Variants in CFAP47 observed in about 807,000 individuals in gnomAD.
The protein encoded by CFAP47 is cilia and flagella associated protein 47, also known as cilia- and flagella-associated protein 47.
CFAP47 carries 29 observed loss-of-function variants against 148.1 expected under a neutral mutation model. The ratio of observed to expected loss-of-function variants is 0.20; its 90% CI spans 0.15 to 0.27. The LOEUF (loss-of-function observed/expected upper bound fraction) is 0.27, where lower values mean the gene tolerates loss of function less well. Ranked by LOEUF, CFAP47 falls within the 10% of genes least tolerant of loss-of-function variation. The pLI is 1.00. For synonymous variants in CFAP47, 664 were observed against 577.3 expected (o/e 1.15, Z -2.15); for missense variants, 1,872 against 1,697.5 (o/e 1.10, Z -1.81).
chrX:36,085,057 C>G (rs933352074), intron 29 of CFAP47, among the ~76,000 whole-genome samples: 1 of 111,191 alleles, frequency 9.0e-6, no homozygotes, highest in African/African-American at 3.3e-5. Context: ...CCAATCTATT[C>G]ATAATCTAAT....
At chrX:36,153,533 G>A (rs1252062924) in intron 37 of CFAP47, among the ~76,000 whole-genome samples, 4 of 112,149 alleles carry the variant, frequency 3.6e-5, no homozygotes, top group Non-Finnish European at 5.6e-5. Context: ...CTACTGGTGT[G>A]AGGTCTTCAG....
At chrX:36,363,369 T>A (rs931116641) in intron 61 of CFAP47, among the ~76,000 whole-genome samples, 1 of 111,124 alleles carries the variant, frequency 9.0e-6, no homozygotes, top group Admixed American at 9.6e-5. Flanking sequence ...GCTACAAACC[T>A]GCACAGGATG....
chrX:36,215,650 A>G (rs1170245708), intron 45 of CFAP47, among the ~76,000 whole-genome samples: 2 of 111,956 alleles, frequency 1.8e-5, no homozygotes, highest in African/African-American at 6.5e-5. Flanking sequence ...TTGGGATTCA[A>G]TCAGAATGGT....
rs768269810 is a variant in CFAP47 at position 35,951,120 on chromosome X, T to C, written c.657-11T>C. 8.6e-7 allele frequency: 1 copy of C among 1,156,396 alleles called. No homozygotes were observed. The highest frequency in any genetic ancestry group is 3.0e-5 in the East Asian group (1 of 33,499). On this transcript the variant is annotated splice_polypyrimidine_tract_variant and intron_variant, in intron 4 of 63. Transcript: ENST00000378653. ...AATATGTATGTATGTGCATATCTTA[T>C]TATCCTGTAGAGTGATTTTGCAAGG... is the stretch of plus-strand genomic sequence containing the variant.
intron 10 of CFAP47, among the ~76,000 whole-genome samples, chrX:35,968,269 CTCA>C (rs774006581): frequency 2.2e-3 from 238 of 110,599 alleles, no homozygotes; most frequent in Non-Finnish European, 3.1e-3. Flanking sequence ...CATCATCCTC[CTCA>C]TCATCATCAT....
At chrX:36,250,071 A>G (rs1299846188) in intron 48 of CFAP47, among the ~76,000 whole-genome samples, 2 of 111,754 alleles carry the variant, frequency 1.8e-5, no homozygotes, top group African/African-American at 3.2e-5. Context: ...CTGGGTATAT[A>G]TTCAAAAGAC....
Position 36,168,790 on chromosome X carries a change from G to C in CFAP47, c.6026+8021G>C, listed in dbSNP as rs1315244806. ...GTTGCAAAGAAAATGAAAATTTACA[G>C]CTTGTTTTTAAATATATATTTACCA... On this transcript the variant is annotated intron_variant, in intron 39 of 63. Transcript: ENST00000378653. 4.5e-5 allele frequency among the ~76,000 whole-genome samples: 5 copies of C among 111,539 alleles called. No individual in the cohort carries two copies. In the Admixed American group the frequency reaches 4.8e-4, roughly 11 times the overall value.
intron 10 of CFAP47, among the ~76,000 whole-genome samples, chrX:35,968,046 T>C (rs1439336100): frequency 1.8e-5 from 2 of 110,489 alleles, no homozygotes; most frequent in African/African-American, 3.3e-5. Flanking sequence ...AGAACCTCTT[T>C]TCACCTCAAT....
chrX:36,376,863 G>A (rs1266830776), intron 62 of CFAP47, among the ~76,000 whole-genome samples: 1 of 104,608 alleles, frequency 9.6e-6, no homozygotes, highest in African/African-American at 3.5e-5. Flanking sequence ...CTATGAGTGA[G>A]AACATGCGGT....
intron 8 of CFAP47, among the ~76,000 whole-genome samples, chrX:35,961,659 G>A (rs2146654176): frequency 9.0e-6 from 1 of 111,157 alleles, no homozygotes; most frequent in African/African-American, 3.3e-5. Context: ...GTGTAAAGTT[G>A]GTAGTGATGT....
chrX:36,030,734 G>T (rs941249203), intron 22 of CFAP47, among the ~76,000 whole-genome samples: 2 of 110,346 alleles, frequency 1.8e-5, no homozygotes, highest in African/African-American at 6.5e-5. Flanking sequence ...TTTTCCAGTA[G>T]ATTATAATAT....
At chrX:36,330,453 A>AT (rs781905607) in intron 57 of CFAP47, among the ~76,000 whole-genome samples, 2 of 111,973 alleles carry the variant, frequency 1.8e-5, no homozygotes, top group East Asian at 5.6e-4. Flanking sequence ...GAAATCCGAT[A>AT]TACCTCTTAA....
chrX:36,062,228 TATC>T (rs1569246037), intron 26 of CFAP47, among the ~76,000 whole-genome samples: 1 of 111,659 alleles, frequency 9.0e-6, no homozygotes, highest in Non-Finnish European at 1.9e-5. Flanking sequence ...ATAAATATAA[TATC>T]ATGATATTTT....
At chrX:36,373,815 T>A (rs1395595523) in intron 62 of CFAP47, among the ~76,000 whole-genome samples, 1 of 112,154 alleles carries the variant, frequency 8.9e-6, no homozygotes, top group East Asian at 2.8e-4. Context: ...TTATTCAGCA[T>A]CCGTTGGGAT....
At chrX:36,247,611 G>C (rs928455051) in intron 48 of CFAP47, among the ~76,000 whole-genome samples, 1 of 110,677 alleles carries the variant, frequency 9.0e-6, no homozygotes, top group Non-Finnish European at 1.9e-5. Flanking sequence ...AAAGCAAATT[G>C]TTTCAAAATA....
intron 49 of CFAP47, among the ~76,000 whole-genome samples, chrX:36,272,438 T>A (rs1311098047): frequency 9.0e-6 from 1 of 111,267 alleles, no homozygotes. Flanking sequence ...GCAAAAAAAA[T>A]GCCCAGGTAA....
At chrX:36,344,309 CAA>C (rs1220765837) in intron 57 of CFAP47, among the ~76,000 whole-genome samples, 1 of 85,027 alleles carries the variant, frequency 1.2e-5, no homozygotes, top group Admixed American at 1.3e-4. Context: ...AAGTTCAGTT[CAA>C]AAAAAAAAAA....
At chrX:36,201,252 A>C (rs1050342509) in intron 43 of CFAP47, 22 bp from the exon 44 acceptor site, 4 of 295,538 alleles carry the variant, frequency 1.4e-5, no homozygotes, top group African/African-American at 1.1e-4. Context: ...TGTATTCATT[A>C]ATATTTTTTT....
At chrX:36,334,205 T>C (rs975391852) in intron 57 of CFAP47, among the ~76,000 whole-genome samples, 1 of 111,146 alleles carries the variant, frequency 9.0e-6, no homozygotes, top group African/African-American at 3.3e-5. Context: ...TACTAATTCA[T>C]TGAGAAAAAT....
Sources: gnomAD v4.1 joint callset for allele counts (sites outside exome capture counted in the v4.1 genomes callset) on GRCh38, gnomAD v4.1.1 for gene constraint, MANE v1.5 for transcripts, NCBI Gene and HGNC (gene_info 2026-07-23, HGNC 2026-07-21) for gene names.